Variants in MBTD1 observed in about 807,000 individuals in gnomAD.
MBTD1 encodes the protein mbt domain containing 1.
In MBTD1, 24 loss-of-function variants were observed where a neutral mutation model predicts 87.8. The observed-to-expected ratio is 0.27, with a 90% CI of 0.20 to 0.38. The LOEUF (loss-of-function observed/expected upper bound fraction) is 0.38. Among genes scored for constraint, MBTD1 ranks in the 10% least tolerant of loss-of-function variants. The pLI is 1.00. For synonymous variants in MBTD1, 237 were observed against 248.6 expected (o/e 0.95, Z 0.44); for missense variants, 436 against 760.2 (o/e 0.57, Z 5.02).
chr17:51,216,195 G>A (rs1318064750), intron 6 of MBTD1, among the ~76,000 whole-genome samples: 1 of 152,144 alleles, frequency 6.6e-6, no homozygotes, highest in Non-Finnish European at 1.5e-5. Flanking sequence ...GCCTCCCAAA[G>A]TGCTGGGATT....
At chr17:51,253,807 T>C (rs541578336) in intron 2 of MBTD1, among the ~76,000 whole-genome samples, 1 of 152,278 alleles carries the variant, frequency 6.6e-6, no homozygotes, top group South Asian at 2.1e-4. Flanking sequence ...TAAACCATCC[T>C]CCCTATGAAA....
At chr17:51,217,718 C>G (rs929403019) in intron 5 of MBTD1, among the ~76,000 whole-genome samples, 1 of 152,188 alleles carries the variant, frequency 6.6e-6, no homozygotes, top group Non-Finnish European at 1.5e-5. Context: ...AAGTGATTCT[C>G]CTGCCTCAGC....
In MBTD1 at chr17:51,225,012, G is replaced by A; in HGVS notation, c.150C>T (p.Gly50=). ...GTGAAGGTTATAAATACTCACCCAT[G>A]CCAGATTTACCATCTGGGTATGTGT... The part of the protein sequence containing the change: ...QVYTYPDGKS[G]MATCEMCGMV... Residue 50 remains glycine, a synonymous_variant, in exon 3 of 17, where the codon GGC becomes GGT. Coordinates refer to ENST00000586178, the MANE Select transcript of MBTD1 (RefSeq NM_017643.3). 6.5e-7 allele frequency: 1 copy of A among 1,541,688 alleles called. No individual in the cohort carries two copies. Among genetic ancestry groups the A allele is most frequent in the Non-Finnish European group, 8.8e-7 (1 of 1,140,306 alleles).
chr17:51,180,832 T>A (rs1032801696), intron 16 of MBTD1, 138 bp from the exon 17 acceptor site: 9 of 655,312 alleles, frequency 1.4e-5, no homozygotes, highest in Middle Eastern at 2.8e-4. Context: ...TTCCAGTATA[T>A]TAGCAGTTAA....
chr17:51,260,633 G>A (rs765364527), upstream of MBTD1: 3 of 1,612,686 alleles, frequency 1.9e-6, no homozygotes, highest in South Asian at 2.2e-5. Context: ...GAGAACCGGA[G>A]CGAAGCCGAA....
rs543519768 is a variant in MBTD1 at position 51,186,786 on chromosome 17, C to CCAAAA, written c.1768+5412_1768+5416dup. Among the ~76,000 whole-genome samples, 294 of 150,062 alleles carry CCAAAA rather than the reference C, an allele frequency of 2.0e-3. 2 individuals are homozygous for CCAAAA. Among genetic ancestry groups the CCAAAA allele is most frequent in the Non-Finnish European group, 1.3e-3 (87 of 67,286 alleles). On this transcript the variant is annotated intron_variant, in intron 16 of 16. Transcript: ENST00000586178. ...AAGACTCTCGTCTCAAAAAAAAAAA[C>CCAAAA]CAAAACAAAACAAAACAAAAAGAAC...
At chr17:51,244,777 T>A (rs1306680787) in intron 2 of MBTD1, among the ~76,000 whole-genome samples, 1 of 152,168 alleles carries the variant, frequency 6.6e-6, no homozygotes, top group South Asian at 2.1e-4. Flanking sequence ...TATCAAGATA[T>A]TCCAGGCTCA....
chr17:51,241,668 A>T (rs945597838), intron 2 of MBTD1, among the ~76,000 whole-genome samples: 1 of 152,092 alleles, frequency 6.6e-6, no homozygotes, highest in Non-Finnish European at 1.5e-5. Context: ...GGTTTAAGCA[A>T]TTCTTCTGCC....
chr17:51,227,070 G>T (rs961932831), intron 2 of MBTD1, among the ~76,000 whole-genome samples: 3 of 151,914 alleles, frequency 2.0e-5, no homozygotes, highest in African/African-American at 7.2e-5. Context: ...GTGAAACCCC[G>T]CCTCTACTAA....
intron 16 of MBTD1, among the ~76,000 whole-genome samples, chr17:51,181,842 T>C (rs1214189102): frequency 1.3e-5 from 2 of 152,198 alleles, no homozygotes; most frequent in South Asian, 2.1e-4. Flanking sequence ...CATGTTTCCG[T>C]AGGTCTTTAG....
intron 2 of MBTD1, among the ~76,000 whole-genome samples, chr17:51,252,558 A>G (rs545725012): frequency 2.2e-4 from 34 of 152,158 alleles, no homozygotes; most frequent in African/African-American, 7.2e-4. Flanking sequence ...CAATATGGTA[A>G]AACCCCATCT....
intron 2 of MBTD1, among the ~76,000 whole-genome samples, chr17:51,242,080 T>C (rs1360341044): frequency 6.6e-6 from 1 of 152,218 alleles, no homozygotes. Context: ...AACCAAACAT[T>C]TCTCCTAACA....
chr17:51,215,149 C>T (rs1347442587), intron 6 of MBTD1, among the ~76,000 whole-genome samples: 1 of 152,122 alleles, frequency 6.6e-6, no homozygotes. Flanking sequence ...GCACTGGGTC[C>T]ACATAATTGA....
chr17:51,188,753 GTTTTTTTT>G (rs767959315), intron 16 of MBTD1, among the ~76,000 whole-genome samples: 2,526 of 108,926 alleles, frequency 0.023, 64 homozygotes, highest in African/African-American at 0.063. Context: ...ATTCAAATAG[GTTTTTTTT>G]TTTTTTTTTT....
intron 12 of MBTD1, among the ~76,000 whole-genome samples, chr17:51,198,690 T>A (rs2051281159): frequency 6.6e-6 from 1 of 152,150 alleles, no homozygotes; most frequent in Non-Finnish European, 1.5e-5. Flanking sequence ...ACTGAAAGGA[T>A]CCTCCCAGCT....
chr17:51,205,899 AAAC>A (rs1444356852), intron 7 of MBTD1, among the ~76,000 whole-genome samples: 1 of 152,220 alleles, frequency 6.6e-6, no homozygotes, highest in African/African-American at 2.4e-5. Flanking sequence ...GCCGGAAATA[AAAC>A]TAGAGAGAGT....
intron 16 of MBTD1, among the ~76,000 whole-genome samples, chr17:51,187,137 A>G (rs1244203030): frequency 6.6e-6 from 1 of 152,170 alleles, no homozygotes; most frequent in Non-Finnish European, 1.5e-5. Flanking sequence ...AAACAAATTT[A>G]TCAGGCTGGG....
intron 2 of MBTD1, among the ~76,000 whole-genome samples, chr17:51,233,581 A>G (rs1002306785): frequency 1.3e-5 from 2 of 152,162 alleles, no homozygotes; most frequent in African/African-American, 4.8e-5. Context: ...AAAGAAAAAA[A>G]TAAGAGTTCA....
chr17:51,244,321 A>AT (rs1411541215), intron 2 of MBTD1, among the ~76,000 whole-genome samples: 1 of 151,952 alleles, frequency 6.6e-6, no homozygotes, highest in Non-Finnish European at 1.5e-5. Context: ...ACTAACTTCT[A>AT]TTTTTTTCCC....
Sources: allele counts gnomAD v4.1 joint callset (sites outside exome capture counted in the v4.1 genomes callset), GRCh38; gene constraint gnomAD v4.1.1; transcripts MANE v1.5; gene names NCBI Gene and HGNC (gene_info 2026-07-23, HGNC 2026-07-21).